Variants in TMA7 observed in about 807,000 individuals in gnomAD.
TMA7 encodes translation machinery associated 7 homolog.
TMA7 carries 5 observed loss-of-function variants against 12.5 expected under a neutral mutation model. The observed-to-expected ratio is 0.40, with a 90% CI of 0.21 to 0.84. The LOEUF (loss-of-function observed/expected upper bound fraction) is 0.84. Among genes scored for constraint, TMA7 ranks in the 40% least tolerant of loss-of-function variants. The pLI is 0.36. For synonymous variants in TMA7, 36 were observed against 28.1 expected, an observed-to-expected ratio of 1.28 and a Z score of -0.89; for missense variants, 71 against 75.4, an observed-to-expected ratio of 0.94 and a Z score of 0.22.
intron 3 of TMA7, among the ~76,000 whole-genome samples, chr3:48,441,759 T>A (rs2039575165): frequency 6.6e-6 from 1 of 152,248 alleles, no homozygotes; most frequent in Admixed American, 6.5e-5. Context: ...AACTAGTGAT[T>A]ATTTCCTCCA....
chr3:48,442,260 C>CAA (rs199829895), intron 3 of TMA7, among the ~76,000 whole-genome samples: 19 of 131,892 alleles, frequency 1.4e-4, no homozygotes, highest in Non-Finnish European at 2.0e-4. Flanking sequence ...GACCCTATCT[C>CAA]AAAAAAAAAA....
At chr3:48,440,842 G>A (rs2039544372) in intron 3 of TMA7, 3 of 598,118 alleles carry the variant, frequency 5.0e-6, no homozygotes, top group Non-Finnish European at 9.0e-6. Context: ...GGCAGTCTGG[G>A]CTTCCATTCC....
intron 3 of TMA7, 42 bp from the exon 4 acceptor site, chr3:48,443,806 G>T: frequency 6.5e-7 from 1 of 1,530,158 alleles, no homozygotes; most frequent in Non-Finnish European, 8.7e-7. Context: ...TCTACCGTAA[G>T]AACTATATTT....
intron 3 of TMA7, among the ~76,000 whole-genome samples, chr3:48,442,534 C>G (rs1575431530): frequency 6.6e-6 from 1 of 151,456 alleles, no homozygotes; most frequent in African/African-American, 2.4e-5. Flanking sequence ...TCACTGCAGC[C>G]TCCGCCTCCC....
At chr3:48,441,499 T>TTC (rs1491435660) in intron 3 of TMA7, among the ~76,000 whole-genome samples, 46 of 151,248 alleles carry the variant, frequency 3.0e-4, no homozygotes, top group African/African-American at 1.1e-3. Context: ...TTTTTTTTTT[T>TTC]CGTACTGCTT....
intron 1 of TMA7, 37 bp downstream of exon 1, chr3:48,440,349 C>T (rs774788990): frequency 1.2e-5 from 19 of 1,611,574 alleles, no homozygotes; most frequent in Non-Finnish European, 1.6e-5. Context: ...GCGGGGACGG[C>T]GGGGTGGGGA....
intron 3 of TMA7, among the ~76,000 whole-genome samples, chr3:48,442,734 GC>G (rs1211327985): frequency 6.6e-6 from 1 of 152,092 alleles, no homozygotes; most frequent in African/African-American, 2.4e-5. Flanking sequence ...ACAGGCGTGA[GC>G]CACCGCGCCT....
intron 3 of TMA7, among the ~76,000 whole-genome samples, chr3:48,442,602 C>T (rs956369179): frequency 8.6e-5 from 13 of 151,884 alleles, no homozygotes; most frequent in African/African-American, 3.1e-4. Context: ...CAGGCGCACA[C>T]CACCATGCCC....
chr3:48,440,377 G>A lies in TMA7; in HGVS notation c.17-26G>A, dbSNP rs535722186. The A allele has an allele frequency of 5.3e-5, 86 of 1,611,720 alleles. No individual in the cohort carries two copies. In the East Asian group the frequency reaches 1.7e-3, roughly 33 times the overall value. ...GGTGGGGACCGGGCGGCAGGGGCAG[G>A]CCGAACGTGCTCGTGTCGCCCACAG... On this transcript the variant is annotated intron_variant, in intron 1 of 3. Transcript: ENST00000438607.
In TMA7 at chr3:48,440,261, C is replaced by T. The variant is rs2039521091; in HGVS notation, c.-36C>T. 2 of 1,580,910 alleles carry T rather than the reference C, an allele frequency of 1.3e-6. No individual in the cohort carries two copies. Among genetic ancestry groups the T allele is most frequent in the South Asian group, 2.3e-5 (2 of 86,162 alleles). Reference sequence around the variant, plus strand: ...AAAGGGTGGGGCAGACGCTCCGTTTCCGGTGGCAGGGTCTGGGGAAGCGGC... The same window carrying T: ...AAAGGGTGGGGCAGACGCTCCGTTTTCGGTGGCAGGGTCTGGGGAAGCGGC... On this transcript the variant is annotated 5_prime_UTR_variant, in exon 1 of 4. Transcript: ENST00000438607.
At position 48,440,286 on chromosome 3, in the gene TMA7, C is replaced by T. The variant is rs773719062; in HGVS notation, c.-11C>T. The T allele has an allele frequency of 1.1e-5, 18 of 1,601,096 alleles. No homozygotes were observed. The highest frequency in any genetic ancestry group is 5.3e-5 in the African/African-American group (4 of 74,768). On this transcript the variant is annotated 5_prime_UTR_variant, in exon 1 of 4. Coordinates refer to ENST00000438607, the MANE Select transcript of TMA7 (RefSeq NM_015933.6). Reference sequence around the variant, plus strand: ...CCGGTGGCAGGGTCTGGGGAAGCGGCGGCAGGCGCCATGTCCGGCCGCGAA... The same window carrying T: ...CCGGTGGCAGGGTCTGGGGAAGCGGTGGCAGGCGCCATGTCCGGCCGCGAA...
chr3:48,440,974 C>T (rs916066128), intron 3 of TMA7: 7 of 390,312 alleles, frequency 1.8e-5, no homozygotes, highest in Non-Finnish European at 2.8e-5. Flanking sequence ...TATTTCACTG[C>T]CTTCTAGTGT....
chr3:48,441,504 C>A (rs2039566408), intron 3 of TMA7, among the ~76,000 whole-genome samples: 1 of 148,972 alleles, frequency 6.7e-6, no homozygotes, highest in Non-Finnish European at 1.5e-5. Flanking sequence ...TTTTTTCGTA[C>A]TGCTTATATT....
intron 2 of TMA7, 29 bp downstream of exon 2, chr3:48,440,487 G>A (rs752281346): frequency 6.2e-6 from 10 of 1,604,760 alleles, no homozygotes; most frequent in Middle Eastern, 1.9e-4. Context: ...GCACTGGCGG[G>A]TGCGGGGGCG....
chr3:48,441,649 AT>A (rs2039572617), intron 3 of TMA7, among the ~76,000 whole-genome samples: 1 of 152,070 alleles, frequency 6.6e-6, no homozygotes, highest in Admixed American at 6.6e-5. Flanking sequence ...CCTTTTTTAC[AT>A]CTTTTATGTA....
chr3:48,443,870 T>G lies in TMA7; in HGVS notation c.183T>G (p.Ser61=), dbSNP rs753039055. The G allele has an allele frequency of 7.7e-6, 12 of 1,560,178 alleles. No homozygotes were observed. Among genetic ancestry groups the G allele is most frequent in the Non-Finnish European group, 9.5e-6 (11 of 1,159,850 alleles). The change falls in exon 4 of 4, where the codon TCT becomes TCG. Residue 61 remains serine, a synonymous_variant. Transcript: ENST00000438607. ...GPLATGGIKK[S]GKK Reference sequence around the variant, plus strand: ...CAGCCACAGGTGGAATTAAGAAATCTGGCAAAAAGTAAGCTGTTCCTTGTG... The same window carrying G: ...CAGCCACAGGTGGAATTAAGAAATCGGGCAAAAAGTAAGCTGTTCCTTGTG...
chr3:48,440,990 CCTTA>C (rs2039548032), intron 3 of TMA7: 1 of 320,980 alleles, frequency 3.1e-6, no homozygotes, highest in Non-Finnish European at 5.8e-6. Flanking sequence ...AGTGTTTGAA[CCTTA>C]CTTGACTTAG....
At position 48,443,962 on chromosome 3, in the gene TMA7, T is replaced by TG. The variant is rs1287993692; in HGVS notation, c.*80_*81insG. The TG allele has an allele frequency of 1.9e-6, 2 of 1,042,292 alleles. No individual in the cohort carries two copies. Among genetic ancestry groups the TG allele is most frequent in the Non-Finnish European group, 2.6e-6 (2 of 765,502 alleles). The allele number at this position is 1,042,292 out of a possible 1,614,324, so 64.6% of individuals were successfully genotyped here. Reference sequence around the variant, plus strand: ...CTCTCTATTCCCTGCCATAACATCTTTTGCCACGTATAGCTGGAATTAAGT... The same window carrying TG: ...CTCTCTATTCCCTGCCATAACATCTTGTTGCCACGTATAGCTGGAATTAAGT... On this transcript the variant is annotated 3_prime_UTR_variant, in exon 4 of 4. Coordinates refer to ENST00000438607, the MANE Select transcript of TMA7 (RefSeq NM_015933.6).
chr3:48,440,935 G>A (rs968814153), intron 3 of TMA7: 3 of 470,946 alleles, frequency 6.4e-6, no homozygotes, highest in African/African-American at 5.9e-5. Context: ...AAAGTCTGAC[G>A]TCGTCCGCAA....
Sources: gnomAD v4.1 joint callset for allele counts (sites outside exome capture counted in the v4.1 genomes callset) on GRCh38, gnomAD v4.1.1 for gene constraint, MANE v1.5 for transcripts, NCBI Gene and HGNC (gene_info 2026-07-23, HGNC 2026-07-21) for gene names.